L3MBTL2: variants seen among roughly 807,000 people sequenced by gnomAD.
L3MBTL2 encodes L3MBTL histone methyl-lysine binding protein 2, also known as lethal(3)malignant brain tumor-like protein 2.
Under a neutral mutation model 86.4 loss-of-function variants are expected in L3MBTL2, and 49 were observed. The ratio of observed to expected loss-of-function variants is 0.57; its 90% CI spans 0.45 to 0.72. L3MBTL2 has a LOEUF of 0.72. Among genes scored for constraint, L3MBTL2 ranks in the 30% least tolerant of loss-of-function variants. L3MBTL2 has a pLI of 0.00. For synonymous variants in L3MBTL2, 336 were observed against 350.6 expected (o/e 0.96, Z 0.47); for missense variants, 755 against 923.7 (o/e 0.82, Z 2.37).
At chr22:41,210,904 G>T (rs2030717965) in intron 2 of L3MBTL2, among the ~76,000 whole-genome samples, 1 of 152,234 alleles carries the variant, frequency 6.6e-6, no homozygotes, top group African/African-American at 2.4e-5. Context: ...ATGTTGAGAA[G>T]ATAGGAAACC....
chr22:41,228,189 G>T, intron 15 of L3MBTL2: 2 of 985,474 alleles, frequency 2.0e-6, no homozygotes, highest in Non-Finnish European at 2.4e-6. Context: ...AAACAGCCTG[G>T]CCTGGGCAAG....
intron 8 of L3MBTL2, among the ~76,000 whole-genome samples, chr22:41,223,013 A>G (rs953204554): frequency 1.3e-5 from 2 of 152,168 alleles, no homozygotes; most frequent in Non-Finnish European, 2.9e-5. Flanking sequence ...CAGGGAAGGC[A>G]GCCCAGAGGG....
At chr22:41,222,947 A>C (rs2031928370) in intron 8 of L3MBTL2, among the ~76,000 whole-genome samples, 1 of 152,136 alleles carries the variant, frequency 6.6e-6, no homozygotes, top group Non-Finnish European at 1.5e-5. Context: ...AAAACTAACA[A>C]AAATGGCGTT....
At chr22:41,209,991 G>C (rs149389235) in intron 2 of L3MBTL2, 58 bp downstream of exon 2, 30 of 1,587,406 alleles carry the variant, frequency 1.9e-5, no homozygotes, top group African/African-American at 6.7e-5. Context: ...AGAGGAAGAG[G>C]GGGGTGGATA....
In L3MBTL2 at chr22:41,209,932, A is replaced by G; in HGVS notation, c.261A>G (p.Pro87=). The G allele has an allele frequency of 6.2e-7, 1 of 1,613,406 alleles. No homozygotes were observed. Among genetic ancestry groups the G allele is most frequent in the African/African-American group, 1.3e-5 (1 of 75,026 alleles). ...CCTTGGATGGCAGTGGTTCTGAGCC[A>G]GGTGCCTTCAGAGTGTCCCCTGAGG... ...PRSLDGSGSE[P]AVCEMCGIVG... Residue 87 remains proline, a splice_region_variant and synonymous_variant, in exon 2 of 17, where the codon CCA becomes CCG. Coordinates refer to ENST00000216237, the MANE Select transcript of L3MBTL2 (RefSeq NM_031488.5).
At position 41,221,262 on chromosome 22, in the gene L3MBTL2, C is replaced by T. The variant is rs1386466469; in HGVS notation, c.917C>T (p.Thr306Met). 2.6e-6 allele frequency: 4 copies of T among 1,551,620 alleles called. No homozygotes were observed. The highest frequency in any genetic ancestry group is 2.0e-5 in the Admixed American group (1 of 51,008). Residue 306 changes from threonine (T) to methionine (M), a missense_variant, in exon 8 of 17, where the codon ACG becomes ATG. Physicochemically the swap from Thr to Met is moderately conservative, Grantham distance 81 (BLOSUM62 -1). Around this residue, in one of 3 missense-constraint regions of L3MBTL2, gnomAD observed 634 missense variants for 748.9 expected, o/e 0.85. Coordinates refer to ENST00000216237, the MANE Select transcript of L3MBTL2 (RefSeq NM_031488.5). ...ATGAAACGGCTGGTGGGCTCCAGGA[C>T]GCTTCCCGTGGATTTCCACATCAAG... ...YLMKRLVGSR[T>M]LPVDFHIKMV...
chr22:41,216,059 A>C, intron 3 of L3MBTL2, 80 bp from the exon 4 acceptor site: 1 of 1,485,780 alleles, frequency 6.7e-7, no homozygotes, highest in Admixed American at 2.1e-5. Flanking sequence ...GCCCAAGCCC[A>C]GGACTTCAAC....
At position 41,224,654 on chromosome 22, in the gene L3MBTL2, C is replaced by T. The variant is rs1356264360; in HGVS notation, c.1175-71C>T. 15 of 1,093,172 alleles carry T rather than the reference C, an allele frequency of 1.4e-5. No homozygotes were observed. The highest frequency in any genetic ancestry group is 1.0e-4 in the South Asian group (8 of 78,384). The allele number at this position is 1,093,172 out of a possible 1,614,324, so 67.7% of individuals were successfully genotyped here. On this transcript the variant is annotated intron_variant, in intron 9 of 16. Transcript: ENST00000216237. This position sits in a 1 kb window ranked among gnomAD's most constrained non-coding sequence, Gnocchi z 4.9. ...AGCAGCCCCACATTCCCAGGGGAGG[C>T]GTGTGGAGATGGCCCAGGAGCCGCC...
Sources: gnomAD v4.1 joint callset for allele counts (sites outside exome capture counted in the v4.1 genomes callset) on GRCh38, gnomAD v4.1.1 for gene constraint, gnomAD v4.1.1 regional missense constraint, Gnocchi (gnomAD v3.1) non-coding constraint, MANE v1.5 for transcripts, NCBI Gene and HGNC (gene_info 2026-07-23, HGNC 2026-07-21) for gene names.